FAT2: variants seen among roughly 807,000 people sequenced by gnomAD.
FAT2 encodes protocadherin Fat 2.
Under a neutral mutation model 295.3 loss-of-function variants are expected in FAT2, and 150 were observed. That is an observed-to-expected ratio of 0.51 (90% CI 0.44 to 0.58). FAT2 has a LOEUF of 0.58. Among genes scored for constraint, FAT2 ranks in the 20% least tolerant of loss-of-function variants. The pLI is 0.00. For synonymous variants in FAT2, 2,026 were observed against 2,150.3 expected (o/e 0.94, Z 1.60); for missense variants, 4,868 against 5,442.7 (o/e 0.89, Z 3.32).
rs1758229668 is a variant in FAT2 at position 151,565,806 on chromosome 5, C to T, written c.3126G>A (p.Gln1042=). Residue 1042 remains glutamine, a synonymous_variant, in exon 2 of 24, where the codon CAG becomes CAA. Transcript: ENST00000261800. ...FASFVHQGQV[Q]ENSPSGTQVI... is the part of the protein sequence containing the mutation. The stretch of plus-strand genomic sequence containing the variant: ...CCTGAGTTCCCGAGGGGCTGTTCTC[C>T]TGCACCTGGCCCTGGTGCACGAAGG... 6.2e-7 allele frequency: 1 copy of T among 1,614,170 alleles called. No homozygotes were observed. Among genetic ancestry groups the T allele is most frequent in the Non-Finnish European group, 8.5e-7 (1 of 1,180,024 alleles).
At chr5:151,565,386 G>A (rs1035473507) in intron 2 of FAT2, among the ~76,000 whole-genome samples, 4 of 151,696 alleles carry the variant, frequency 2.6e-5, no homozygotes, top group African/African-American at 7.3e-5. Context: ...GGGAGCATTC[G>A]TTTTTAAATT....
At position 151,546,165 on chromosome 5, in the gene FAT2, A is replaced by C. The variant is rs923533219; in HGVS notation, c.4962T>G (p.Asp1654Glu). ...ATVIIHVYPS[D>E]RSAPIFSKSE... ...ATTTTGAAAAGATGGGGGCACTCCT[A>C]TCTGAGGGATAGACATGAATGATCA... The change falls in exon 10 of 24, where the codon GAT (aspartate) becomes GAG (glutamate). Residue 1654 changes from aspartate (D) to glutamate (E), a missense_variant. By Grantham distance (45) the Asp-to-Glu change is conservative. Around this residue, in one of 5 missense-constraint regions of FAT2, gnomAD observed 3,297 missense variants for 3,669.4 expected, o/e 0.90. Transcript: ENST00000261800. The C allele has an allele frequency of 3.1e-6, 5 of 1,614,168 alleles. No homozygotes were observed. The highest frequency in any genetic ancestry group is 2.2e-5 in the South Asian group (2 of 91,088).
chr5:151,531,851 G>T lies in FAT2; in HGVS notation c.9547C>A (p.Leu3183Met). 2 of 1,614,140 alleles carry T rather than the reference G, an allele frequency of 1.2e-6. No individual in the cohort carries two copies. Among genetic ancestry groups the T allele is most frequent in the Non-Finnish European group, 1.7e-6 (2 of 1,180,024 alleles). ...TCAGAGGCACGGACCGTGAGCTCCA[G>T]TGGTGCCTGGGGCCTGACCTGCAGC... is the stretch of plus-strand genomic sequence containing the variant. The part of the protein sequence containing the change: ...KPLQVRPQAP[L>M]ELTVRASDLG... Residue 3183 changes from leucine to methionine, a missense_variant, in exon 14 of 24, where the codon CTG (leucine) becomes ATG (methionine). Physicochemically the swap from Leu to Met is conservative, Grantham distance 15 (BLOSUM62 2). Around this residue, in one of 5 missense-constraint regions of FAT2, gnomAD observed 1,046 missense variants for 1,210.1 expected, o/e 0.86. Transcript: ENST00000261800. The surrounding 1 kb of genome is among the most constrained non-coding windows in gnomAD (Gnocchi z 5.7).
intron 12 of FAT2, among the ~76,000 whole-genome samples, chr5:151,535,318 C>G (rs373477148): frequency 1.2e-4 from 18 of 151,992 alleles, no homozygotes; most frequent in African/African-American, 4.4e-4. Context: ...TTTCACCTGC[C>G]CCAAAGCAAG....
chr5:151,505,820 G>T lies in FAT2; in HGVS notation c.12795C>A (p.Ala4265=). 1 of 1,613,474 alleles carries T rather than the reference G, an allele frequency of 6.2e-7. No individual in the cohort carries two copies. Among genetic ancestry groups the T allele is most frequent in the Non-Finnish European group, 8.5e-7 (1 of 1,179,788 alleles). The change falls in exon 24 of 24, where the codon GCC becomes GCA. Residue 4265 remains alanine, a synonymous_variant. Transcript: ENST00000261800. ...RPPSPRERLV[A]PCLNEYTAIS... ...TGGCCGTGTACTCATTGAGACAGGG[G>T]GCAACCAGGCGCTCCCGGGGACTAG...
chr5:151,561,878 C>T (rs1049498556), intron 3 of FAT2, among the ~76,000 whole-genome samples: 1 of 152,174 alleles, frequency 6.6e-6, no homozygotes, highest in Non-Finnish European at 1.5e-5. Context: ...ACATCTCTGC[C>T]CTCTAGGGCA....
intron 11 of FAT2, 109 bp from the exon 12 acceptor site, chr5:151,538,055 G>T: frequency 1.1e-6 from 1 of 882,664 alleles, no homozygotes; most frequent in Admixed American, 2.6e-5. Context: ...GAGACACTAA[G>T]AGGGCAGAGA....
intron 3 of FAT2, among the ~76,000 whole-genome samples, chr5:151,558,055 C>G (rs981417107): frequency 9.9e-5 from 15 of 152,198 alleles, no homozygotes; most frequent in African/African-American, 3.4e-4. Flanking sequence ...GAGTTGAATT[C>G]GGTGACCTTT....
At chr5:151,591,924 A>G (rs1354032470), upstream of FAT2, among the ~76,000 whole-genome samples, 1 of 152,170 alleles carries the variant, frequency 6.6e-6, no homozygotes, top group Non-Finnish European at 1.5e-5. Context: ...ATAAAAGGTA[A>G]TTCTTATTCT....
At position 151,563,466 on chromosome 5, in the gene FAT2, A is replaced by AG; in HGVS notation, c.3432dup (p.Ser1145LeufsTer63). On this transcript the variant is annotated frameshift_variant, in exon 3 of 24. Coordinates refer to ENST00000261800, the MANE Select transcript of FAT2 (RefSeq NM_001447.3). LOFTEE classifies it high-confidence loss of function. ...CCCACGGGAGCATCCTCCTGGATGG[A>AG]GGGGTAGAACACAGCTTGGGACATC... 1.9e-6 allele frequency: 3 copies of AG among 1,614,180 alleles called. No homozygotes were observed. Among genetic ancestry groups the AG allele is most frequent in the Non-Finnish European group, 2.5e-6 (3 of 1,180,030 alleles).
At chr5:151,591,734 AC>A (rs137995601), upstream of FAT2, among the ~76,000 whole-genome samples, 1,480 of 152,152 alleles carry the variant, frequency 9.7e-3, 11 homozygotes, top group Middle Eastern at 0.037. Flanking sequence ...TTGGTTCGAA[AC>A]CCTGGCACTG....
At chr5:151,585,410 C>G (rs565703820) in intron 1 of FAT2, among the ~76,000 whole-genome samples, 1 of 152,178 alleles carries the variant, frequency 6.6e-6, no homozygotes, top group Non-Finnish European at 1.5e-5. Flanking sequence ...GTCAGGAGTT[C>G]GAGACCAGCC....
At position 151,550,703 on chromosome 5, in the gene FAT2, G is replaced by A. The variant is rs375981703; in HGVS notation, c.4465C>T (p.Gln1489Ter). Residue 1489 changes from glutamine (Q) to a stop codon, truncating the protein, a stop_gained, in exon 8 of 24, where the codon CAA becomes TAA. Transcript: ENST00000261800. LOFTEE classifies it high-confidence loss of function. ...KSLIYTIHGS[Q>*]DPGSASLFQL... ...AAGAGGCTGGCACTTCCTGGGTCTT[G>A]GCTGCCATGTATGGTATAGATGAGG... is the stretch of plus-strand genomic sequence containing the variant. 6.2e-7 allele frequency: 1 copy of A among 1,614,156 alleles called. No homozygotes were observed. The highest frequency in any genetic ancestry group is 8.5e-7 in the Non-Finnish European group (1 of 1,180,032).
At chr5:151,571,919 C>A (rs1179232985) in intron 1 of FAT2, among the ~76,000 whole-genome samples, 2 of 152,196 alleles carry the variant, frequency 1.3e-5, no homozygotes, top group Admixed American at 6.5e-5. Context: ...ACCTCCTGGG[C>A]CCATGCTACT....
Position 151,568,550 on chromosome 5 carries a change from A to G in FAT2, c.382T>C (p.Leu128=). The G allele has an allele frequency of 6.2e-7, 1 of 1,613,540 alleles. No homozygotes were observed. Among genetic ancestry groups the G allele is most frequent in the Non-Finnish European group, 8.5e-7 (1 of 1,179,854 alleles). Residue 128 remains leucine (L), a synonymous_variant, in exon 2 of 24, where the codon TTG becomes CTG. Transcript: ENST00000261800. The part of the protein sequence containing the change: ...IIQATEKTLE[L]EALTRVVVHI... ...ACCACCACACGGGTCAAAGCTTCCAACTCCAAGGTCTTCTCTGTGGCTTGG... is the reference window on the plus strand; with the variant it reads ...ACCACCACACGGGTCAAAGCTTCCAGCTCCAAGGTCTTCTCTGTGGCTTGG...
At position 151,566,416 on chromosome 5, in the gene FAT2, A is replaced by G; in HGVS notation, c.2516T>C (p.Ile839Thr). 1 of 1,613,690 alleles carries G rather than the reference A, an allele frequency of 6.2e-7. No individual in the cohort carries two copies. The change falls in exon 2 of 24, where the codon ATT (isoleucine) becomes ACT (threonine). Residue 839 changes from isoleucine to threonine, a missense_variant. This residue lies in a region of FAT2 where 3,297 missense variants were observed against 3,669.4 expected (regional missense o/e 0.90). Coordinates refer to ENST00000261800, the MANE Select transcript of FAT2 (RefSeq NM_001447.3). The part of the protein sequence containing the change: ...ISEDTEVGTT[I>T]AELTTKDADS... ...AGCATCTTTGGTTGTCAGCTCTGCA[A>G]TTGTGGTTCCAACTTCTGTGTCCTC...
At chr5:151,538,640 G>A (rs147782575) in intron 11 of FAT2, among the ~76,000 whole-genome samples, 41 of 152,264 alleles carry the variant, frequency 2.7e-4, no homozygotes, top group Admixed American at 5.2e-4. Flanking sequence ...GGGCAAGCAT[G>A]GACCCCTACA....
intron 15 of FAT2, among the ~76,000 whole-genome samples, 161 bp from the exon 16 acceptor site, chr5:151,528,294 G>A (rs373687393): frequency 2.0e-5 from 3 of 152,252 alleles, no homozygotes; most frequent in South Asian, 2.1e-4. Flanking sequence ...TTACATCCTC[G>A]TGTGGACTTC....
chr5:151,513,563 G>A (rs1287700679), intron 20 of FAT2, among the ~76,000 whole-genome samples: 1 of 152,174 alleles, frequency 6.6e-6, no homozygotes, highest in African/African-American at 2.4e-5. Context: ...GGGACGCAAA[G>A]AAGGGAACAA....
Sources: gnomAD v4.1 joint callset for allele counts (sites outside exome capture counted in the v4.1 genomes callset) on GRCh38, gnomAD v4.1.1 for gene constraint, gnomAD v4.1.1 regional missense constraint, Gnocchi (gnomAD v3.1) non-coding constraint, MANE v1.5 for transcripts, NCBI Gene and HGNC (gene_info 2026-07-23, HGNC 2026-07-21) for gene names.